The following SRCAP variants were observed in gnomAD, a reference collection of about 807,000 sequenced individuals.
The protein encoded by SRCAP is Snf2 related CREBBP activator protein, also known as chromatin remodeling protein SRCAP.
SRCAP carries 46 observed loss-of-function variants against 263.1 expected under a neutral mutation model. The ratio of observed to expected loss-of-function variants is 0.17; its 90% confidence interval spans 0.14 to 0.22. The LOEUF (loss-of-function observed/expected upper bound fraction) is 0.22. SRCAP is among the 10% of genes least tolerant of loss of function. SRCAP has a pLI of 1.00. For missense variants in SRCAP, 3,695 were observed against 4,181.9 expected (o/e 0.88, Z 3.21); for synonymous variants, 1,813 against 1,662.1 (o/e 1.09, Z -2.21).
rs1054572127 is a variant in SRCAP at position 30,734,382 on chromosome 16, G to A, written c.6610-114G>A. 1.4e-5 allele frequency: 21 copies of A among 1,469,410 alleles called. No individual in the cohort carries two copies. The South Asian group carries it at 1.8e-4, about 13-fold the overall frequency. 91.0% of individuals were successfully genotyped at this position (1,469,410 alleles called of 1,614,324 possible). ...AAGGACTGCTTTGGCCTTCACAGAC[G>A]TGCGTCTTCAACCAGTGGTACCCCT... On this transcript the variant is annotated intron_variant, in intron 30 of 33. Coordinates refer to ENST00000262518, the MANE Select transcript of SRCAP (RefSeq NM_006662.3).
intron 4 of SRCAP, among the ~76,000 whole-genome samples, chr16:30,704,702 A>T (rs2151284962): frequency 6.6e-6 from 1 of 152,124 alleles, no homozygotes; most frequent in South Asian, 2.1e-4. Context: ...AGCTGGGTAT[A>T]GTCGCACATG....
chr16:30,724,642 C>G lies in SRCAP; in HGVS notation c.5218C>G (p.Leu1740Val), dbSNP rs1461087565. The change falls in exon 25 of 34, where the codon CTG becomes GTG. Residue 1740 changes from leucine (L) to valine (V), a missense_variant. By Grantham distance (32) the Leu-to-Val change is conservative. This residue lies in a region of SRCAP where 1,347 missense variants were observed against 1,304.4 expected (regional missense o/e 1.03). Transcript: ENST00000262518. ...ACTGTCTTTGGCACCAGGACCACCA[C>G]TGGGTCCAACTCAGACGCTGTCTCT... ...QTLSLAPGPP[L>V]GPTQTLSLAP... 4 of 1,614,102 alleles carry G rather than the reference C, an allele frequency of 2.5e-6. No individual in the cohort carries two copies. The highest frequency in any genetic ancestry group is 1.7e-5 in the Admixed American group (1 of 60,004).
intron 4 of SRCAP, among the ~76,000 whole-genome samples, chr16:30,705,926 G>T (rs893252472): frequency 6.6e-6 from 1 of 152,090 alleles, no homozygotes; most frequent in African/African-American, 2.4e-5. Context: ...AGATGGTCTC[G>T]ATCTCCTGAC....
rs1596669620 is a variant in SRCAP at position 30,738,774 on chromosome 16, C to T, written c.8734C>T (p.Leu2912Phe). The T allele has an allele frequency of 1.9e-6, 3 of 1,613,878 alleles. No individual in the cohort carries two copies. The highest frequency in any genetic ancestry group is 1.3e-5 in the African/African-American group (1 of 75,056). ...TGCAGATCCTGTCCTGGAACCACAG[C>T]TTATTCCTGGGCCCCAGCCTCTTGG... ...IVADPVLEPQLIPGPQPLGPQ... is the reference protein window; with the variant it reads ...IVADPVLEPQFIPGPQPLGPQ... Residue 2912 changes from leucine to phenylalanine, a missense_variant, in exon 34 of 34, where the codon CTT becomes TTT. Coordinates refer to ENST00000262518, the MANE Select transcript of SRCAP (RefSeq NM_006662.3).
Position 30,720,749 on chromosome 16 carries a change from AGTG to A in SRCAP, c.3034_3036del (p.Val1012del), listed in dbSNP as rs781014307. On this transcript the variant is annotated inframe_deletion, in exon 20 of 34. Coordinates refer to ENST00000262518, the MANE Select transcript of SRCAP (RefSeq NM_006662.3). ...CAGTACCTAAGCAAGAAGGCCGGAC[AGTG>A]GTGGTGGTGAACAACCCACGGGCGC... 3 of 1,612,380 alleles carry A rather than the reference AGTG, an allele frequency of 1.9e-6. No homozygotes were observed. Among genetic ancestry groups the A allele is most frequent in the East Asian group, 2.2e-5 (1 of 44,848 alleles).
At chr16:30,715,023 G>T (rs1355596609) in intron 16 of SRCAP, among the ~76,000 whole-genome samples, 1 of 151,878 alleles carries the variant, frequency 6.6e-6, no homozygotes, top group Admixed American at 6.6e-5. Context: ...TTCTCAGTCT[G>T]CATATCTCAC....
chr16:30,725,105 G>A (rs1298736799), intron 25 of SRCAP, 23 bp downstream of exon 25: 1 of 1,576,760 alleles, frequency 6.3e-7, no homozygotes, highest in East Asian at 2.2e-5. Context: ...TCCTCAAGAG[G>A]GAACAGGAAG....
intron 4 of SRCAP, among the ~76,000 whole-genome samples, chr16:30,705,737 C>T (rs2052820738): frequency 6.7e-6 from 1 of 150,096 alleles, no homozygotes. Context: ...GACGGAGTCT[C>T]AGTCTTTCGC....
At position 30,722,651 on chromosome 16, in the gene SRCAP, GACCCCTGGCCCT is replaced by G; in HGVS notation, c.3803_3814del (p.Gly1268_Pro1271del). On this transcript the variant is annotated inframe_deletion, in exon 23 of 34. Coordinates refer to ENST00000262518, the MANE Select transcript of SRCAP (RefSeq NM_006662.3). The stretch of plus-strand genomic sequence containing the variant: ...TGGCCCTCATCCAGGCCGTGGCCCC[GACCCCTGGCCCT>G]ACCCCTGTCTCTGTGCTGCCTTCTT... 1 of 1,613,868 alleles carries G rather than the reference GACCCCTGGCCCT, an allele frequency of 6.2e-7. No individual in the cohort carries two copies. Among genetic ancestry groups the G allele is most frequent in the Non-Finnish European group, 8.5e-7 (1 of 1,179,974 alleles).
rs543212433 is a variant in SRCAP at position 30,738,664 on chromosome 16, G to A, written c.8624G>A (p.Arg2875Lys). 1 of 1,613,268 alleles carries A rather than the reference G, an allele frequency of 6.2e-7. No individual in the cohort carries two copies. The highest frequency in any genetic ancestry group is 1.3e-5 in the African/African-American group (1 of 75,016). ...KKNRSPADAG[R>K]GVDEAPSSTL... The stretch of plus-strand genomic sequence containing the variant: ...AACAGGTCTCCAGCAGATGCTGGGA[G>A]AGGTGTGGATGAGGCACCCTCATCC... Residue 2875 changes from arginine to lysine, a missense_variant, in exon 34 of 34, where the codon AGA (arginine) becomes AAA (lysine). By Grantham distance (26) the Arg-to-Lys change is conservative. Coordinates refer to ENST00000262518, the MANE Select transcript of SRCAP (RefSeq NM_006662.3).
intron 31 of SRCAP, among the ~76,000 whole-genome samples, chr16:30,735,177 C>A (rs1473820192): frequency 1.1e-3 from 146 of 130,610 alleles, no homozygotes; most frequent in African/African-American, 4.9e-3. Flanking sequence ...GACGGAGTCT[C>A]GCTCTGTCGC....
chr16:30,702,597 T>TTCCC (rs1246216418), intron 3 of SRCAP, among the ~76,000 whole-genome samples: 1,417 of 89,064 alleles, frequency 0.016, 18 homozygotes, highest in Non-Finnish European at 0.024. Context: ...CTTCCCTGCC[T>TTCCC]TCCCTCCCTC....
chr16:30,721,079 GGGACAC>G, intron 20 of SRCAP, 101 bp downstream of exon 20: 1 of 1,536,484 alleles, frequency 6.5e-7, no homozygotes, highest in East Asian at 2.3e-5. Context: ...AGCTGGGCTG[GGGACAC>G]GGGTCTAGTA....
At position 30,733,660 on chromosome 16, in the gene SRCAP, G is replaced by A. The variant is rs769441840; in HGVS notation, c.6356G>A (p.Arg2119Gln). 1 of 1,614,058 alleles carries A rather than the reference G, an allele frequency of 6.2e-7. No homozygotes were observed. ...ATATTCTGCTTCATCCTTTCAACTC[G>A]GAGTGGGGGTGTGGGCGTGAACCTG... is the stretch of plus-strand genomic sequence containing the variant. Reference protein sequence around the residue: ...KRIFCFILSTRSGGVGVNLTG... With the variant: ...KRIFCFILSTQSGGVGVNLTG... Residue 2119 changes from arginine (R) to glutamine (Q), a missense_variant, in exon 29 of 34, where the codon CGG (arginine) becomes CAG (glutamine). Transcript: ENST00000262518. This position sits in a 1 kb window ranked among gnomAD's most constrained non-coding sequence, Gnocchi z 5.3.
At chr16:30,730,202 T>G (rs1247336827) in intron 27 of SRCAP, among the ~76,000 whole-genome samples, 1 of 152,240 alleles carries the variant, frequency 6.6e-6, no homozygotes, top group Non-Finnish European at 1.5e-5. Flanking sequence ...GAGTTTTTAT[T>G]TAGCTGTATG....
rs1171025775 is a variant in SRCAP at position 30,738,197 on chromosome 16, T to A, written c.8157T>A (p.Pro2719=). 1.7e-5 allele frequency: 28 copies of A among 1,613,976 alleles called. No homozygotes were observed. Among genetic ancestry groups the A allele is most frequent in the East Asian group, 2.2e-5 (1 of 44,868 alleles). The change falls in exon 34 of 34, where the codon CCT becomes CCA. Residue 2719 remains proline (P), a synonymous_variant. Coordinates refer to ENST00000262518, the MANE Select transcript of SRCAP (RefSeq NM_006662.3). ...SSPEGPSPAR[P]PRRRTSADVE... ...CTGAGGGTCCTTCACCTGCCCGACC[T>A]CCTCGGCGTCGCACCAGTGCTGATG...
At chr16:30,700,899 C>T (rs762850566) in intron 3 of SRCAP, 21 bp downstream of exon 3, 1 of 1,612,978 alleles carries the variant, frequency 6.2e-7, no homozygotes, top group Non-Finnish European at 8.5e-7. Context: ...GGGAAGAGTT[C>T]CTTCTCTGCT....
At position 30,724,592 on chromosome 16, in the gene SRCAP, C is replaced by A; in HGVS notation, c.5168C>A (p.Ser1723Tyr). ...TQTLSLTPAS[S>Y]LVPTPAQTLS... The stretch of plus-strand genomic sequence containing the variant: ...ACATTGTCATTAACTCCAGCATCAT[C>A]CCTGGTACCAACTCCAGCCCAGACA... The change falls in exon 25 of 34, where the codon TCC becomes TAC. Residue 1723 changes from serine (S) to tyrosine (Y), a missense_variant. By Grantham distance (144) the Ser-to-Tyr change is moderately radical. Coordinates refer to ENST00000262518, the MANE Select transcript of SRCAP (RefSeq NM_006662.3). The A allele has an allele frequency of 6.2e-7, 1 of 1,614,218 alleles. No individual in the cohort carries two copies. Among genetic ancestry groups the A allele is most frequent in the Non-Finnish European group, 8.5e-7 (1 of 1,180,052 alleles).
rs747435490 is a variant in SRCAP, at chr16:30,728,955, C to T, written c.5659-11C>T. ...GGTGCTGATTACTTCCTCTTTTTCT[C>T]TCACCCCCAGGACTCCCTGGAGGAA... On this transcript the variant is annotated splice_polypyrimidine_tract_variant and intron_variant, in intron 25 of 33. Coordinates refer to ENST00000262518, the MANE Select transcript of SRCAP (RefSeq NM_006662.3). 2 of 1,600,566 alleles carry T rather than the reference C, an allele frequency of 1.2e-6. No individual in the cohort carries two copies. Among genetic ancestry groups the T allele is most frequent in the South Asian group, 1.1e-5 (1 of 90,352 alleles).
Sources: gnomAD v4.1 joint callset for allele counts (sites outside exome capture counted in the v4.1 genomes callset) on GRCh38, gnomAD v4.1.1 for gene constraint, gnomAD v4.1.1 regional missense constraint, Gnocchi (gnomAD v3.1) non-coding constraint, MANE v1.5 for transcripts, NCBI Gene and HGNC (gene_info 2026-07-23, HGNC 2026-07-21) for gene names.